The following PPP1R3A variants were observed in gnomAD, a reference collection of about 807,000 sequenced individuals.
PPP1R3A encodes the protein RG1.
PPP1R3A carries 29 observed loss-of-function variants against 41.7 expected under a neutral mutation model. That is an observed-to-expected ratio of 0.70 (90% CI 0.52 to 0.95). The LOEUF is 0.95. Ranked by LOEUF, PPP1R3A falls within the 40% of genes least tolerant of loss-of-function variation. The pLI is 0.00. For missense variants in PPP1R3A, 1,352 were observed against 1,292.4 expected (o/e 1.05, Z -0.71); for synonymous variants, 485 against 453.4 (o/e 1.07, Z -0.89).
chr7:113,880,718 T>G (rs1023652303), intron 3 of PPP1R3A, among the ~76,000 whole-genome samples: 1 of 151,874 alleles, frequency 6.6e-6, no homozygotes, highest in East Asian at 1.9e-4. Context: ...GCCTGTGTTT[T>G]TTTTTTTTTC....
chr7:113,913,485 G>A (rs1258628523), intron 1 of PPP1R3A, among the ~76,000 whole-genome samples: 2 of 152,042 alleles, frequency 1.3e-5, no homozygotes, highest in African/African-American at 4.8e-5. Flanking sequence ...TACAAAAATT[G>A]AGGACTAATC....
intron 3 of PPP1R3A, among the ~76,000 whole-genome samples, chr7:113,881,787 C>T (rs751424469): frequency 6.6e-6 from 1 of 151,932 alleles, no homozygotes; most frequent in Non-Finnish European, 1.5e-5. Context: ...GTAATTCCTG[C>T]AAACTATTAC....
chr7:113,900,872 C>G (rs932833713), intron 1 of PPP1R3A, among the ~76,000 whole-genome samples: 3 of 150,776 alleles, frequency 2.0e-5, no homozygotes, highest in African/African-American at 4.9e-5. Context: ...CCAACTTGCA[C>G]AGTACTAGAA....
Position 113,878,638 on chromosome 7 carries a change from C to A in PPP1R3A, c.2454G>T (p.Glu818Asp). 2.5e-6 allele frequency: 4 copies of A among 1,613,252 alleles called. No individual in the cohort carries two copies. The highest frequency in any genetic ancestry group is 3.4e-6 in the Non-Finnish European group (4 of 1,179,582). ...GICNVRVDEM[E>D]KEETMSMYNP... ...TGTACATAGACATGGTTTCTTCCTT[C>A]TCCATTTCATCTACACGTACATTAC... The change falls in exon 4 of 4, where the codon GAG (glutamate) becomes GAT (aspartate). Residue 818 changes from glutamate to aspartate, a missense_variant. Glu to Asp is a conservative substitution (Grantham distance 45). Transcript: ENST00000284601.
intron 1 of PPP1R3A, among the ~76,000 whole-genome samples, chr7:113,888,170 C>T (rs1796818735): frequency 6.6e-6 from 1 of 152,098 alleles, no homozygotes; most frequent in South Asian, 2.1e-4. Flanking sequence ...CTTAGCATAG[C>T]TGGCAAAATG....
At position 113,891,095 on chromosome 7, in the gene PPP1R3A, A is replaced by C. The variant is rs538694882; in HGVS notation, c.783-8775T>G. 4.5e-3 allele frequency among the ~76,000 whole-genome samples: 669 copies of C among 148,818 alleles called. 10 individuals are homozygous for C. The highest frequency in any genetic ancestry group is 0.01 in the Middle Eastern group (3 of 290). ...TGGTGGAAAAAAAGCAAAAAAAAAA[A>C]AAAAAAAAAAAAAAAAAAACCCTGC... is the stretch of plus-strand genomic sequence containing the variant. On this transcript the variant is annotated intron_variant, in intron 1 of 3. Transcript: ENST00000284601.
chr7:113,878,021 G>A lies in PPP1R3A; in HGVS notation c.3071C>T (p.Ala1024Val), dbSNP rs1323154100. The A allele has an allele frequency of 1.9e-6, 3 of 1,613,154 alleles. No individual in the cohort carries two copies. The highest frequency in any genetic ancestry group is 2.2e-5 in the East Asian group (1 of 44,814). The change falls in exon 4 of 4, where the codon GCA becomes GTA. Residue 1024 changes from alanine (A) to valine (V), a missense_variant. Coordinates refer to ENST00000284601, the MANE Select transcript of PPP1R3A (RefSeq NM_002711.4). Reference sequence around the variant, plus strand: ...TACTAATCCTTCATTTTCATGCCTTGCTTCTTCCATATTCTCAAGAGGTTT... The same window carrying A: ...TACTAATCCTTCATTTTCATGCCTTACTTCTTCCATATTCTCAAGAGGTTT... ...INKPLENMEE[A>V]RHENEGLVSS...
intron 1 of PPP1R3A, among the ~76,000 whole-genome samples, chr7:113,884,837 A>T (rs1796755131): frequency 6.6e-6 from 1 of 152,098 alleles, no homozygotes; most frequent in South Asian, 2.1e-4. Flanking sequence ...ACAAATCAAC[A>T]AGAAAGTACA....
chr7:113,879,250 A>C lies in PPP1R3A; in HGVS notation c.1842T>G (p.Thr614=). The part of the protein sequence containing the change: ...TSEGSALGGI[T]GQVCSSRTGN... Reference sequence around the variant, plus strand: ...CAGTTCTTGATGAACAAACTTGACCAGTTATCCCTCCTAAAGCGCTGCCTT... The same window carrying C: ...CAGTTCTTGATGAACAAACTTGACCCGTTATCCCTCCTAAAGCGCTGCCTT... The change falls in exon 4 of 4, where the codon ACT becomes ACG. Residue 614 remains threonine, a synonymous_variant. Transcript: ENST00000284601. The C allele has an allele frequency of 1.2e-6, 2 of 1,613,724 alleles. No individual in the cohort carries two copies. The highest frequency in any genetic ancestry group is 1.6e-4 in the Middle Eastern group (1 of 6,062).
At chr7:113,903,350 G>T (rs867316577) in intron 1 of PPP1R3A, among the ~76,000 whole-genome samples, 1 of 151,618 alleles carries the variant, frequency 6.6e-6, no homozygotes, top group Non-Finnish European at 1.5e-5. Context: ...TATAAAAAAT[G>T]ACCTATAGAA....
rs757339496 is a variant in PPP1R3A at position 113,879,395 on chromosome 7, A to T, written c.1697T>A (p.Leu566Gln). The T allele has an allele frequency of 4.3e-6, 7 of 1,613,484 alleles. No homozygotes were observed. The highest frequency in any genetic ancestry group is 5.1e-6 in the Non-Finnish European group (6 of 1,179,756). Residue 566 changes from leucine to glutamine, a missense_variant, in exon 4 of 4, where the codon CTG (leucine) becomes CAG (glutamine). By Grantham distance (113) the Leu-to-Gln change is moderately radical. Coordinates refer to ENST00000284601, the MANE Select transcript of PPP1R3A (RefSeq NM_002711.4). ...GASNRDLATL[L>Q]SEHTAIPTRA... ...GGTGGGGATTGCGGTATGTTCGCTCAGCAGAGTAGCCAGGTCTCTGTTACT... is the reference window on the plus strand; with the variant it reads ...GGTGGGGATTGCGGTATGTTCGCTCTGCAGAGTAGCCAGGTCTCTGTTACT...
intron 1 of PPP1R3A, among the ~76,000 whole-genome samples, chr7:113,888,448 A>G (rs1184855232): frequency 6.6e-6 from 1 of 152,196 alleles, no homozygotes; most frequent in Non-Finnish European, 1.5e-5. Flanking sequence ...TAGCATCAAT[A>G]TGCTGTACAT....
At chr7:113,917,983 C>G (rs1415444104) in intron 1 of PPP1R3A, among the ~76,000 whole-genome samples, 1 of 152,080 alleles carries the variant, frequency 6.6e-6, no homozygotes, top group East Asian at 1.9e-4. Context: ...ACACAGTGCA[C>G]TTCTCTCCCA....
chr7:113,878,488 C>G lies in PPP1R3A; in HGVS notation c.2604G>C (p.Met868Ile), dbSNP rs772569757. ...ATSKLDLQLGMLPTDKTVFSE... is the reference protein window; with the variant it reads ...ATSKLDLQLGILPTDKTVFSE... Reference sequence around the variant, plus strand: ...AAAATACAGTTTTGTCTGTTGGTAACATTCCCAACTGTAAATCCAGTTTTG... The same window carrying G: ...AAAATACAGTTTTGTCTGTTGGTAAGATTCCCAACTGTAAATCCAGTTTTG... The change falls in exon 4 of 4, where the codon ATG becomes ATC. Residue 868 changes from methionine (M) to isoleucine (I), a missense_variant. By Grantham distance (10) the Met-to-Ile change is conservative. Transcript: ENST00000284601. 8.1e-6 allele frequency: 13 copies of G among 1,613,112 alleles called. No homozygotes were observed. The African/African-American group carries it at 1.3e-4, about 17-fold the overall frequency.
intron 1 of PPP1R3A, among the ~76,000 whole-genome samples, chr7:113,891,009 A>G (rs1455712704): frequency 2.7e-5 from 4 of 150,478 alleles, no homozygotes; most frequent in Non-Finnish European, 5.9e-5. Flanking sequence ...TGGCAAATCC[A>G]TAACTAGCTC....
At chr7:113,904,139 T>C (rs1018292415) in intron 1 of PPP1R3A, among the ~76,000 whole-genome samples, 7 of 151,766 alleles carry the variant, frequency 4.6e-5, no homozygotes, top group Non-Finnish European at 1.5e-5. Flanking sequence ...ACCAAATCTT[T>C]GCTTAGAGAT....
chr7:113,893,205 T>G (rs943919477), intron 1 of PPP1R3A, among the ~76,000 whole-genome samples: 2 of 152,050 alleles, frequency 1.3e-5, no homozygotes, highest in Non-Finnish European at 2.9e-5. Flanking sequence ...TTAAGAGCTC[T>G]ACATCTGTAT....
At chr7:113,881,972 C>T in intron 3 of PPP1R3A, 67 bp downstream of exon 3, 1 of 1,575,174 alleles carries the variant, frequency 6.3e-7, no homozygotes, top group Non-Finnish European at 8.7e-7. Context: ...GAAAGGCAGG[C>T]ATTGCAGCAT....
rs1796599726 is a variant in PPP1R3A at position 113,877,948 on chromosome 7, G to A, written c.3144C>T (p.Ser1048=). 6.2e-7 allele frequency: 1 copy of A among 1,613,430 alleles called. No individual in the cohort carries two copies. ...LYTSGEKESD[S]SASTSLPVEE... Reference sequence around the variant, plus strand: ...CAACAGGAAGACTAGTAGAAGCAGAGCTGTCAGATTCCTTTTCACCTGAAG... The same window carrying A: ...CAACAGGAAGACTAGTAGAAGCAGAACTGTCAGATTCCTTTTCACCTGAAG... The change falls in exon 4 of 4, where the codon AGC becomes AGT. Residue 1048 remains serine, a synonymous_variant. Transcript: ENST00000284601.
Sources: gnomAD v4.1 joint callset for allele counts (sites outside exome capture counted in the v4.1 genomes callset) on GRCh38, gnomAD v4.1.1 for gene constraint, MANE v1.5 for transcripts, NCBI Gene and HGNC (gene_info 2026-07-23, HGNC 2026-07-21) for gene names.